GSTM3: variants seen among roughly 807,000 people sequenced by gnomAD.
GSTM3 encodes the protein GST class-mu 3.
In GSTM3, 34 loss-of-function variants were observed where a neutral mutation model predicts 36.1. That is an observed-to-expected ratio of 0.94 (90% CI 0.72 to 1.25). GSTM3 has a LOEUF of 1.25. GSTM3 is among the 50% of genes most tolerant of loss of function. GSTM3 has a pLI of 0.00. For missense variants in GSTM3, 266 were observed against 281.6 expected, an observed-to-expected ratio of 0.94 and a Z score of 0.40; for synonymous variants, 102 against 99.5, an observed-to-expected ratio of 1.03 and a Z score of -0.15.
chr1:109,739,005 C>T (rs1649289628), intron 4 of GSTM3, among the ~76,000 whole-genome samples: 1 of 152,188 alleles, frequency 6.6e-6, no homozygotes, highest in African/African-American at 2.4e-5. Flanking sequence ...CCTGTAGTCC[C>T]AGCTCCTTGG....
At chr1:109,739,564 G>A in intron 3 of GSTM3, 71 bp from the exon 4 acceptor site, 1 of 1,150,534 alleles carries the variant, frequency 8.7e-7, no homozygotes, top group Non-Finnish European at 1.3e-6. Flanking sequence ...AAGATCTAAA[G>A]AAATGACTTG....
chr1:109,738,378 A>G lies in GSTM3; in HGVS notation c.190-12T>C. On this transcript the variant is annotated splice_polypyrimidine_tract_variant and intron_variant, in intron 4 of 8. Transcript: ENST00000361066. ...AGGAGGTAGGGCAGCTGAAAGGAAAAGGACAGGACAAATGAACAACCTGCC... is the reference window on the plus strand; with the variant it reads ...AGGAGGTAGGGCAGCTGAAAGGAAAGGGACAGGACAAATGAACAACCTGCC... 1 of 1,592,476 alleles carries G rather than the reference A, an allele frequency of 6.3e-7. No individual in the cohort carries two copies. Among genetic ancestry groups the G allele is most frequent in the Non-Finnish European group, 8.6e-7 (1 of 1,160,352 alleles).
At position 109,737,002 on chromosome 1, in the gene GSTM3, G is replaced by A; in HGVS notation, c.*69C>T. 1.1e-6 allele frequency: 1 copy of A among 929,066 alleles called. No homozygotes were observed. The highest frequency in any genetic ancestry group is 2.4e-5 in the East Asian group (1 of 41,502). The allele number at this position is 929,066 out of a possible 1,614,324, so 57.6% of individuals were successfully genotyped here. On this transcript the variant is annotated 3_prime_UTR_variant, in exon 9 of 9. Transcript: ENST00000361066. ...ACATAAGTGCTATTCATTGAAAAGA[G>A]CAAAGCAAGAGCGCTGACCCCTTAC...
chr1:109,739,988 G>T, intron 2 of GSTM3, 80 bp from the exon 3 acceptor site: 1 of 1,206,272 alleles, frequency 8.3e-7, no homozygotes, highest in Non-Finnish European at 1.2e-6. Context: ...CCGGCCCGGG[G>T]CTGCCGAGTC....
rs1408410266 is a variant in GSTM3 at position 109,738,187 on chromosome 1, A to T, written c.276T>A (p.Gly92=). ...CTCGAATCTTTTCTTCTTCAGTCTCACCACCTGTAGGCCAAATGACAACAA... is the reference window on the plus strand; with the variant it reads ...CTCGAATCTTTTCTTCTTCAGTCTCTCCACCTGTAGGCCAAATGACAACAA... ...RYIARKHNMC[G]ETEEEKIRVD... Residue 92 remains glycine, a synonymous_variant, in exon 6 of 9, where the codon GGT becomes GGA. Transcript: ENST00000361066. 2 of 1,612,218 alleles carry T rather than the reference A, an allele frequency of 1.2e-6. No individual in the cohort carries two copies. Among genetic ancestry groups the T allele is most frequent in the Admixed American group, 3.3e-5 (2 of 60,022 alleles).
intron 3 of GSTM3, 76 bp downstream of exon 3, chr1:109,739,757 A>G: frequency 8.5e-7 from 1 of 1,171,866 alleles, no homozygotes; most frequent in Non-Finnish European, 1.2e-6. Flanking sequence ...GCGCGACGCC[A>G]CCACCCTCTG....
At position 109,740,279 on chromosome 1, in the gene GSTM3, G is replaced by C; in HGVS notation, c.9C>G (p.Cys3Trp). The change falls in exon 2 of 9, where the codon TGC (cysteine) becomes TGG (tryptophan). Residue 3 changes from cysteine to tryptophan, a missense_variant. Coordinates refer to ENST00000361066, the MANE Select transcript of GSTM3 (RefSeq NM_000849.5). Reference protein sequence around the residue: MSCESSMVLGYWD... With the variant: MSWESSMVLGYWD... Reference sequence around the variant, plus strand: ...AGTACCCGAGAACCATAGACGACTCGCACGACATGGTGACGGGCTTCCGAG... The same window carrying C: ...AGTACCCGAGAACCATAGACGACTCCCACGACATGGTGACGGGCTTCCGAG... The C allele has an allele frequency of 1.2e-6, 2 of 1,613,402 alleles. No individual in the cohort carries two copies. The highest frequency in any genetic ancestry group is 1.7e-6 in the Non-Finnish European group (2 of 1,179,534).
Position 109,740,413 on chromosome 1 carries a change from C to G in GSTM3, c.-126G>C. Reference sequence around the variant, plus strand: ...TCCGCCTCCGCCCCGTTCTCCGTCCCTTGCCTCCGCGGCTCCACAGGGCCG... The same window carrying G: ...TCCGCCTCCGCCCCGTTCTCCGTCCGTTGCCTCCGCGGCTCCACAGGGCCG... On this transcript the variant is annotated 5_prime_UTR_variant, in exon 2 of 9. Transcript: ENST00000361066. 1 of 796,508 alleles carries G rather than the reference C, an allele frequency of 1.3e-6. No homozygotes were observed. The highest frequency in any genetic ancestry group is 2.0e-6 in the Non-Finnish European group (1 of 492,538). The allele number at this position is 796,508 out of a possible 1,614,324, so 49.3% of individuals were successfully genotyped here.
Position 109,737,106 on chromosome 1 carries a change from T to C in GSTM3, c.643A>G (p.Lys215Glu). ...DQFCKMPINN[K>E]MAQWGNKPVC ...GGCTTGTTGCCCCACTGGGCCATCT[T>C]GTTGTTGATGGGCATCTTGCAGAAC... Residue 215 changes from lysine to glutamate, a missense_variant, in exon 9 of 9, where the codon AAG (lysine) becomes GAG (glutamate). Physicochemically the swap from Lys to Glu is moderately conservative, Grantham distance 56. Coordinates refer to ENST00000361066, the MANE Select transcript of GSTM3 (RefSeq NM_000849.5). 1 of 1,613,202 alleles carries C rather than the reference T, an allele frequency of 6.2e-7. No homozygotes were observed. Among genetic ancestry groups the C allele is most frequent in the Non-Finnish European group, 8.5e-7 (1 of 1,179,104 alleles).
intron 4 of GSTM3, among the ~76,000 whole-genome samples, chr1:109,738,679 G>A (rs1430165958): frequency 6.6e-6 from 1 of 152,110 alleles, no homozygotes; most frequent in African/African-American, 2.4e-5. Flanking sequence ...TCAAATAAGA[G>A]TAACATGTGC....
In GSTM3 at chr1:109,740,257, A is replaced by G. The variant is rs1570665061; in HGVS notation, c.31T>C (p.Tyr11His). 2 of 1,613,460 alleles carry G rather than the reference A, an allele frequency of 1.2e-6. No individual in the cohort carries two copies. Among genetic ancestry groups the G allele is most frequent in the Non-Finnish European group, 1.7e-6 (2 of 1,179,706 alleles). The change falls in exon 2 of 9, where the codon TAC becomes CAC. Residue 11 changes from tyrosine (Y) to histidine (H), a missense_variant. Physicochemically the swap from Tyr to His is moderately conservative, Grantham distance 83. Transcript: ENST00000361066. MSCESSMVLG[Y>H]WDIRGLAHAI... ...GCACTCACCCCACGAATATCCCAGT[A>G]CCCGAGAACCATAGACGACTCGCAC... is the stretch of plus-strand genomic sequence containing the variant.
At chr1:109,740,532 C>T (rs368873645) in intron 1 of GSTM3, 21 bp from the exon 2 acceptor site, 4 of 543,868 alleles carry the variant, frequency 7.4e-6, no homozygotes, top group South Asian at 2.2e-5. Context: ...GCAAAGGACC[C>T]GAGGTTGAGG....
chr1:109,738,749 C>T (rs1373250820), intron 4 of GSTM3, among the ~76,000 whole-genome samples: 2 of 152,122 alleles, frequency 1.3e-5, no homozygotes, highest in African/African-American at 2.4e-5. Context: ...AAGTAAATAA[C>T]ATTATATGTA....
In GSTM3 at chr1:109,737,709, G is replaced by A. The variant is rs1223842996; in HGVS notation, c.415C>T (p.Leu139=). 2.5e-6 allele frequency: 4 copies of A among 1,609,966 alleles called. No homozygotes were observed. In the African/African-American group the frequency reaches 4.0e-5, roughly 16 times the overall value. ...PQYLEELPGQ[L]KQFSMFLGKF... is the part of the protein sequence containing the mutation. ...CCCAGAAACATGGAGAATTGTTTCA[G>A]TTGTCCAGGTAGCTCTTCCAAGTAC... The change falls in exon 7 of 9, where the codon CTG becomes TTG. Residue 139 remains leucine (L), a synonymous_variant. Coordinates refer to ENST00000361066, the MANE Select transcript of GSTM3 (RefSeq NM_000849.5).
chr1:109,740,507 G>T lies in GSTM3; in HGVS notation c.-220C>A, dbSNP rs1402957814. The T allele has an allele frequency of 5.1e-6, 3 of 586,978 alleles. No individual in the cohort carries two copies. The highest frequency in any genetic ancestry group is 9.0e-6 in the Non-Finnish European group (3 of 332,176). 36.4% of individuals were successfully genotyped at this position (586,978 alleles called of 1,614,324 possible). A position where few individuals can be genotyped will look rare whatever the true frequency, so the allele number is the denominator to read the frequency against. ...CGACCCCGAGGCGGGACCCGGGCAGGAGTGCTGCAGGAGAGCAAAGGACCC... is the reference window on the plus strand; with the variant it reads ...CGACCCCGAGGCGGGACCCGGGCAGTAGTGCTGCAGGAGAGCAAAGGACCC... On this transcript the variant is annotated 5_prime_UTR_variant, in exon 2 of 9. Transcript: ENST00000361066.
At position 109,739,925 on chromosome 1, in the gene GSTM3, T is replaced by C; in HGVS notation, c.49-17A>G. The C allele has an allele frequency of 1.3e-6, 2 of 1,539,960 alleles. No individual in the cohort carries two copies. Among genetic ancestry groups the C allele is most frequent in the Non-Finnish European group, 1.8e-6 (2 of 1,136,142 alleles). On this transcript the variant is annotated splice_polypyrimidine_tract_variant and intron_variant, in intron 2 of 8. Coordinates refer to ENST00000361066, the MANE Select transcript of GSTM3 (RefSeq NM_000849.5). ...GTGCGCCAGCTGGGGAAGACAGCGG[T>C]TCAGCGACTGCGCAGCTCCCACCCA...
Position 109,740,401 on chromosome 1 carries a change from CG to C in GSTM3, c.-115del, listed in dbSNP as rs1570665352. On this transcript the variant is annotated 5_prime_UTR_variant, in exon 2 of 9. Transcript: ENST00000361066. ...GGGCGCCCTGACTCCGCCTCCGCCCCGTTCTCCGTCCCTTGCCTCCGCGGCT... is the reference window on the plus strand; with the variant it reads ...GGGCGCCCTGACTCCGCCTCCGCCCCTTCTCCGTCCCTTGCCTCCGCGGCT... 2 of 864,878 alleles carry C rather than the reference CG, an allele frequency of 2.3e-6. No homozygotes were observed. Among genetic ancestry groups the C allele is most frequent in the Non-Finnish European group, 1.8e-6 (1 of 546,892 alleles). The allele number at this position is 864,878 out of a possible 1,614,324, so 53.6% of individuals were successfully genotyped here.
rs747370839 is a variant in GSTM3, at chr1:109,737,452, G to C, written c.579+5C>G. ...TTTATAAGAGAAAGGTGCAGGAAACGTCACCTCAAAACGGCACATGAAAGC... is the reference window on the plus strand; with the variant it reads ...TTTATAAGAGAAAGGTGCAGGAAACCTCACCTCAAAACGGCACATGAAAGC... On this transcript the variant is annotated splice_donor_5th_base_variant and intron_variant, in intron 8 of 8. Coordinates refer to ENST00000361066, the MANE Select transcript of GSTM3 (RefSeq NM_000849.5). 6.4e-7 allele frequency: 1 copy of C among 1,553,048 alleles called. No homozygotes were observed. Among genetic ancestry groups the C allele is most frequent in the Non-Finnish European group, 8.9e-7 (1 of 1,124,450 alleles).
chr1:109,737,631 T>A, intron 7 of GSTM3, 25 bp downstream of exon 7: 1 of 1,069,206 alleles, frequency 9.4e-7, no homozygotes. Flanking sequence ...TAGAGAAGTA[T>A]CCTCTTCTTT....
Sources: gnomAD v4.1 joint callset for allele counts (sites outside exome capture counted in the v4.1 genomes callset) on GRCh38, gnomAD v4.1.1 for gene constraint, MANE v1.5 for transcripts, NCBI Gene and HGNC (gene_info 2026-07-23, HGNC 2026-07-21) for gene names.